DSCAM: variants seen among roughly 807,000 people sequenced by gnomAD.
DSCAM encodes cell adhesion molecule DSCAM.
DSCAM carries 47 observed loss-of-function variants against 217.7 expected under a neutral mutation model. The observed-to-expected ratio is 0.22, with a 90% CI of 0.17 to 0.28. The LOEUF (loss-of-function observed/expected upper bound fraction) is 0.28, where lower values mean the gene tolerates loss of function less well. DSCAM is among the 10% of genes least tolerant of loss of function. DSCAM has a pLI of 1.00. For missense variants in DSCAM, 2,080 were observed against 2,618.3 expected (o/e 0.79, Z 4.49); for synonymous variants, 1,056 against 1,015.3 (o/e 1.04, Z -0.76).
chr21:40,312,376 A>G lies in DSCAM; in HGVS notation c.1784-17T>C, dbSNP rs41486350. 1.1e-4 allele frequency: 181 copies of G among 1,610,752 alleles called. 1 individual carries two copies. The East Asian group carries it at 3.9e-3, about 35-fold the overall frequency. ...AAGGCGGAACTGCAAGAAAAAAGAA[A>G]GATAATAACGAACTGTGCTTATTCT... On this transcript the variant is annotated splice_polypyrimidine_tract_variant and intron_variant, in intron 8 of 32. Coordinates refer to ENST00000400454, the MANE Select transcript of DSCAM (RefSeq NM_001389.5).
At chr21:40,409,631 A>T in intron 3 of DSCAM, among the ~76,000 whole-genome samples, 1 of 152,250 alleles carries the variant, frequency 6.6e-6, no homozygotes, top group Admixed American at 6.5e-5. Flanking sequence ...CAAGAACAAG[A>T]ATCACTGGAG....
chr21:40,598,686 G>A (rs1032959554), intron 3 of DSCAM, among the ~76,000 whole-genome samples: 1 of 151,700 alleles, frequency 6.6e-6, no homozygotes, highest in African/African-American at 2.4e-5. Flanking sequence ...TGTATTTTTA[G>A]TAGAGACAGG....
At chr21:40,508,770 TATATATATATA>T in intron 3 of DSCAM, among the ~76,000 whole-genome samples, 3 of 6,076 alleles carry the variant, frequency 4.9e-4, no homozygotes, top group Non-Finnish European at 8.8e-4. Context: ...TATATATATA[TATATATATATA>T]TATTTTTTTT....
chr21:40,463,393 G>A (rs1406238500), intron 3 of DSCAM, among the ~76,000 whole-genome samples: 1 of 152,040 alleles, frequency 6.6e-6, no homozygotes, highest in Non-Finnish European at 1.5e-5. Context: ...AAGCCTCACT[G>A]CTCATACCGA....
intron 3 of DSCAM, among the ~76,000 whole-genome samples, chr21:40,595,590 G>A (rs73902699): frequency 0.017 from 2,545 of 152,202 alleles, 62 homozygotes; most frequent in African/African-American, 0.058. Context: ...CCTCAGGAAC[G>A]GGAACACAAC....
chr21:40,367,991 CTG>C (rs2074851966), intron 4 of DSCAM, among the ~76,000 whole-genome samples: 1 of 152,030 alleles, frequency 6.6e-6, no homozygotes, highest in Admixed American at 6.6e-5. Flanking sequence ...CTTTCCAACC[CTG>C]AGAGATACAT....
At chr21:40,131,624 C>T (rs960345161) in intron 19 of DSCAM, among the ~76,000 whole-genome samples, 1 of 152,144 alleles carries the variant, frequency 6.6e-6, no homozygotes, top group Admixed American at 6.5e-5. Context: ...AGGGTTTCAC[C>T]ATGTTGGCCA....
At chr21:40,730,647 A>G (rs1409185509) in intron 1 of DSCAM, among the ~76,000 whole-genome samples, 5 of 152,174 alleles carry the variant, frequency 3.3e-5, no homozygotes, top group East Asian at 1.9e-4. Context: ...TGCTGTCTCT[A>G]TAAGAGGCCA....
intron 11 of DSCAM, among the ~76,000 whole-genome samples, chr21:40,208,718 T>C (rs1249775193): frequency 1.3e-5 from 2 of 152,166 alleles, no homozygotes; most frequent in Non-Finnish European, 2.9e-5. Context: ...CTGACATAAC[T>C]GTTATCCGTA....
intron 18 of DSCAM, among the ~76,000 whole-genome samples, chr21:40,141,671 G>C (rs1012863060): frequency 7.2e-5 from 11 of 152,070 alleles, no homozygotes; most frequent in African/African-American, 2.4e-4. Flanking sequence ...AGTGACGGGG[G>C]GTGCAGGAGG....
intron 32 of DSCAM, among the ~76,000 whole-genome samples, chr21:40,018,032 G>T (rs2178839): frequency 1.3e-5 from 2 of 151,792 alleles, no homozygotes; most frequent in East Asian, 1.9e-4. Context: ...GTTCCTGAAA[G>T]AATTTGAGTT....
At chr21:40,463,292 T>C (rs1479501199) in intron 3 of DSCAM, among the ~76,000 whole-genome samples, 1 of 152,064 alleles carries the variant, frequency 6.6e-6, no homozygotes, top group Non-Finnish European at 1.5e-5. Flanking sequence ...TTAAATCACA[T>C]GTGGTGAGCT....
Position 40,093,902 on chromosome 21 carries a change from C to T in DSCAM, c.3697-28G>A, listed in dbSNP as rs778248238. The T allele has an allele frequency of 5.0e-6, 8 of 1,597,674 alleles. No homozygotes were observed. The Admixed American group carries it at 8.6e-5, about 17-fold the overall frequency. On this transcript the variant is annotated intron_variant, in intron 20 of 32. Coordinates refer to ENST00000400454, the MANE Select transcript of DSCAM (RefSeq NM_001389.5). ...GTAAAAAGAGACATAAGTGTTCCCA[C>T]ATTCAAAGAAGCATGTGGCAAAAAT... is the stretch of plus-strand genomic sequence containing the variant.
At chr21:40,843,116 T>C (rs1015516453) in intron 1 of DSCAM, among the ~76,000 whole-genome samples, 1 of 152,212 alleles carries the variant, frequency 6.6e-6, no homozygotes, top group Non-Finnish European at 1.5e-5. Flanking sequence ...TTTGAAGTCC[T>C]TAAGGTGCAT....
intron 3 of DSCAM, among the ~76,000 whole-genome samples, chr21:40,468,920 G>A (rs2075866507): frequency 6.6e-6 from 1 of 152,122 alleles, no homozygotes; most frequent in African/African-American, 2.4e-5. Context: ...GAAAGAGTAG[G>A]AATGGTATCA....
chr21:40,073,128 T>C (rs2089319519), intron 27 of DSCAM, among the ~76,000 whole-genome samples: 1 of 152,002 alleles, frequency 6.6e-6, no homozygotes, highest in South Asian at 2.1e-4. Flanking sequence ...CTGGAGGTGC[T>C]CTCAGCGAGA....
At chr21:40,168,339 G>A (rs1210371058) in intron 15 of DSCAM, among the ~76,000 whole-genome samples, 1 of 152,092 alleles carries the variant, frequency 6.6e-6, no homozygotes, top group Non-Finnish European at 1.5e-5. Context: ...TACCTACTAG[G>A]TACATGGTGT....
At chr21:40,218,354 G>T in intron 11 of DSCAM, among the ~76,000 whole-genome samples, 1 of 152,108 alleles carries the variant, frequency 6.6e-6, no homozygotes, top group East Asian at 1.9e-4. Context: ...TGGACGATGA[G>T]CCTGTTTTTG....
chr21:40,462,077 T>G (rs180680804), intron 3 of DSCAM, among the ~76,000 whole-genome samples: 120 of 152,250 alleles, frequency 7.9e-4, no homozygotes, highest in Admixed American at 1.3e-3. Context: ...AATAGAAAAA[T>G]GACCACAGGA....
Sources: allele counts gnomAD v4.1 joint callset (sites outside exome capture counted in the v4.1 genomes callset), GRCh38; gene constraint gnomAD v4.1.1; transcripts MANE v1.5; gene names NCBI Gene and HGNC (gene_info 2026-07-23, HGNC 2026-07-21).